The following ATOSB variants were observed in gnomAD, a reference collection of about 807,000 sequenced individuals.
ATOSB encodes atos homolog B.
chr9:35,105,382 A>G, the ATOSB span: 1 of 1,603,996 alleles, frequency 6.2e-7, no homozygotes, highest in Non-Finnish European at 8.5e-7. The surrounding 1 kb of genome is among the most constrained non-coding windows in gnomAD (Gnocchi z 5.5). Context: ...AACCTGGAGG[A>G]GGACAATGTG....
At chr9:35,104,949 T>C in the ATOSB span, 1 of 320,978 alleles carries the variant, frequency 3.1e-6, no homozygotes, top group African/African-American at 2.1e-5. Context: ...CCTGGGAACT[T>C]GAGAAAATCT....
chr9:35,105,413 TG>T, the ATOSB span: 1 of 1,577,466 alleles, frequency 6.3e-7, no homozygotes, highest in Admixed American at 1.7e-5. The surrounding 1 kb of genome is among the most constrained non-coding windows in gnomAD (Gnocchi z 5.5). Flanking sequence ...GAATCCAGGC[TG>T]GGTTCAGTGG....
the ATOSB span, chr9:35,108,172 C>T: frequency 6.3e-7 from 1 of 1,593,978 alleles, no homozygotes; most frequent in Non-Finnish European, 8.5e-7. Flanking sequence ...GGGCTGTAGC[C>T]CATGAGCAGG....
At chr9:35,116,280 A>G in the ATOSB span, 2 of 152,136 alleles carry the variant, frequency 1.3e-5, no homozygotes, top group African/African-American at 2.4e-5. Flanking sequence ...TCGCACTCCA[A>G]CCAGGATCCG....
At chr9:35,107,739 G>A in the ATOSB span, 14 of 1,585,008 alleles carry the variant, frequency 8.8e-6, no homozygotes, top group East Asian at 2.7e-4. Context: ...CTGGCCTGGA[G>A]GGGCTGGCCC....
At chr9:35,106,269 C>A in the ATOSB span, 2 of 1,613,956 alleles carry the variant, frequency 1.2e-6, no homozygotes, top group Non-Finnish European at 1.7e-6. The surrounding 1 kb of genome is among the most constrained non-coding windows in gnomAD (Gnocchi z 4.6). Context: ...GGAGCCGGGG[C>A]ATTTTGCTCA....
At chr9:35,106,695 C>T in the ATOSB span, 1 of 1,482,346 alleles carries the variant, frequency 6.7e-7, no homozygotes, top group Non-Finnish European at 9.2e-7. The surrounding 1 kb of genome is among the most constrained non-coding windows in gnomAD (Gnocchi z 4.6). Flanking sequence ...TCTGGGATTC[C>T]TGCTTATGCC....
chr9:35,108,624 C>G, the ATOSB span: 2 of 1,059,824 alleles, frequency 1.9e-6, no homozygotes, highest in Non-Finnish European at 2.3e-6. Context: ...CCTAGCTGTG[C>G]GTCCCCTCTT....
At chr9:35,106,532 A>C in the ATOSB span, 1 of 1,582,304 alleles carries the variant, frequency 6.3e-7, no homozygotes, top group African/African-American at 1.3e-5. The surrounding 1 kb of genome is among the most constrained non-coding windows in gnomAD (Gnocchi z 4.6). Flanking sequence ...CCCCAACGGG[A>C]GCTACCTCAA....
At chr9:35,106,453 A>G in the ATOSB span, 1 of 1,613,464 alleles carries the variant, frequency 6.2e-7, no homozygotes, top group African/African-American at 1.3e-5. The surrounding 1 kb of genome is among the most constrained non-coding windows in gnomAD (Gnocchi z 4.6). Context: ...AGAGATGCCA[A>G]TTCTTTTCCT....
the ATOSB span, chr9:35,105,307 T>A: frequency 6.2e-7 from 1 of 1,613,938 alleles, no homozygotes. This position sits in a 1 kb window ranked among gnomAD's most constrained non-coding sequence, Gnocchi z 5.5. Context: ...AGCTCCAGGC[T>A]CCGGCGGGAA....
chr9:35,110,130 C>T, the ATOSB span: 2 of 152,106 alleles, frequency 1.3e-5, no homozygotes, highest in African/African-American at 4.8e-5. Context: ...CCCCACTATC[C>T]CATTTCACCA....
At chr9:35,105,275 T>C in the ATOSB span, 1 of 1,614,104 alleles carries the variant, frequency 6.2e-7, no homozygotes, top group Non-Finnish European at 8.5e-7. The surrounding 1 kb of genome is among the most constrained non-coding windows in gnomAD (Gnocchi z 5.5). Context: ...CAGCCTGCAG[T>C]TCGTAGGGGA....
the ATOSB span, chr9:35,104,550 T>TCA: frequency 1.6e-5 from 5 of 309,502 alleles, no homozygotes; most frequent in East Asian, 1.3e-4. Flanking sequence ...ACATGCACAC[T>TCA]CACACACACA....
At chr9:35,108,301 C>T in the ATOSB span, 2 of 1,517,688 alleles carry the variant, frequency 1.3e-6, no homozygotes, top group South Asian at 2.4e-5. Context: ...CAGGGGGGCC[C>T]CCCAACACGG....
At chr9:35,104,909 A>C in the ATOSB span, 1 of 256,346 alleles carries the variant, frequency 3.9e-6, no homozygotes, top group Non-Finnish European at 7.4e-6. Flanking sequence ...GCCCCTGCCC[A>C]GGACAGGGAG....
At chr9:35,107,435 G>C in the ATOSB span, 2 of 1,613,816 alleles carry the variant, frequency 1.2e-6, no homozygotes, top group Admixed American at 1.7e-5. Context: ...GTGTGGCTTT[G>C]GCATCAGAAC....
the ATOSB span, chr9:35,107,445 C>G: frequency 6.2e-7 from 1 of 1,613,562 alleles, no homozygotes; most frequent in Non-Finnish European, 8.5e-7. Context: ...GGCATCAGAA[C>G]TGTTGGCAGC....
At chr9:35,106,449 G>A in the ATOSB span, 2 of 1,613,532 alleles carry the variant, frequency 1.2e-6, no homozygotes, top group Middle Eastern at 1.6e-4. The surrounding 1 kb of genome is among the most constrained non-coding windows in gnomAD (Gnocchi z 4.6). Context: ...AGAGAGAGAT[G>A]CCAATTCTTT....
Sources: allele counts gnomAD v4.1 joint callset, GRCh38; gene constraint gnomAD v4.1.1; non-coding constraint Gnocchi (gnomAD v3.1); transcripts MANE v1.5; gene names NCBI Gene and HGNC (gene_info 2026-07-23, HGNC 2026-07-21).